The following TTBK1 variants were observed in gnomAD, a reference collection of about 807,000 sequenced individuals.
The protein encoded by TTBK1 is tau tubulin kinase 1.
In TTBK1, 34 loss-of-function variants were observed where a neutral mutation model predicts 108.5. The observed-to-expected ratio is 0.31, with a 90% CI of 0.24 to 0.42. The LOEUF (loss-of-function observed/expected upper bound fraction) is 0.42. TTBK1 is among the 10% of genes least tolerant of loss of function. The probability of loss-of-function intolerance (pLI) is 1.00; values close to 1 mark genes in which losing one functional copy is unlikely to be tolerated. For synonymous variants in TTBK1, 809 were observed against 795.1 expected (o/e 1.02, Z -0.29); for missense variants, 1,539 against 1,826.0 (o/e 0.84, Z 2.86).
At chr6:43,250,913 A>T (rs183467277) in intron 2 of TTBK1, among the ~76,000 whole-genome samples, 12 of 152,360 alleles carry the variant, frequency 7.9e-5, no homozygotes, top group Non-Finnish European at 1.6e-4. Context: ...CAGAGTTTAA[A>T]GTACCCCAGA....
rs897503260 is a variant in TTBK1, at chr6:43,283,962, G to A, written c.3222G>A (p.Ser1074=). The change falls in exon 14 of 15, where the codon TCG becomes TCA. Residue 1074 remains serine (S), a synonymous_variant. Transcript: ENST00000259750. This position sits in a 1 kb window ranked among gnomAD's most constrained non-coding sequence, Gnocchi z 8.1. Reference sequence around the variant, plus strand: ...GCTCGGAGCCCTCAGGCTCACTGTCGGCCAAAGAGCGGTGGAGCAAGCGGG... The same window carrying A: ...GCTCGGAGCCCTCAGGCTCACTGTCAGCCAAAGAGCGGTGGAGCAAGCGGG... The part of the protein sequence containing the change: ...DTGSEPSGSL[S]AKERWSKRAR... 17 of 1,612,084 alleles carry A rather than the reference G, an allele frequency of 1.1e-5. No homozygotes were observed. Among genetic ancestry groups the A allele is most frequent in the African/African-American group, 8.0e-5 (6 of 74,916 alleles).
Position 43,284,278 on chromosome 6 carries a change from G to A in TTBK1, c.3538G>A (p.Ala1180Thr), listed in dbSNP as rs377414505. ...GCAGCCCGCCAGCAGATCCCATGGCGCGGCCCCAGCATTGGACACAGCCAT... is the reference window on the plus strand; with the variant it reads ...GCAGCCCGCCAGCAGATCCCATGGCACGGCCCCAGCATTGGACACAGCCAT... Reference protein sequence around the residue: ...AQQPASRSHGAAPALDTAITS... With the variant: ...AQQPASRSHGTAPALDTAITS... Residue 1180 changes from alanine (A) to threonine (T), a missense_variant, in exon 14 of 15, where the codon GCG (alanine) becomes ACG (threonine). By Grantham distance (58) the Ala-to-Thr change is moderately conservative. Transcript: ENST00000259750. 82 of 1,588,378 alleles carry A rather than the reference G, an allele frequency of 5.2e-5. No homozygotes were observed. The African/African-American group carries it at 6.0e-4, about 12-fold the overall frequency.
chr6:43,283,994 C>T lies in TTBK1; in HGVS notation c.3254C>T (p.Pro1085Leu), dbSNP rs767712944. 2.5e-5 allele frequency: 40 copies of T among 1,602,738 alleles called. No individual in the cohort carries two copies. Among genetic ancestry groups the T allele is most frequent in the African/African-American group, 1.2e-4 (9 of 74,606 alleles). Residue 1085 changes from proline (P) to leucine (L), a missense_variant, in exon 14 of 15, where the codon CCG becomes CTG. Pro to Leu is a moderately conservative substitution (Grantham distance 98). Transcript: ENST00000259750. The surrounding 1 kb of genome is among the most constrained non-coding windows in gnomAD (Gnocchi z 8.1). The part of the protein sequence containing the change: ...AKERWSKRAR[P>L]QQDLARLVME... The stretch of plus-strand genomic sequence containing the variant: ...GAGCGGTGGAGCAAGCGGGCTCGGC[C>T]GCAGCAGGACCTGGCGCGGCTGGTG...
chr6:43,272,726 C>A, intron 13 of TTBK1: 1 of 971,540 alleles, frequency 1.0e-6, no homozygotes, highest in Non-Finnish European at 1.2e-6. Context: ...ATGTGAAGCT[C>A]GGCAGAGCTT....
chr6:43,270,624 A>G, intron 13 of TTBK1: 1 of 985,408 alleles, frequency 1.0e-6, no homozygotes, highest in Non-Finnish European at 1.2e-6. Flanking sequence ...AGGAAGGCTC[A>G]GTCCATGGTA....
rs1777787070 is a variant in TTBK1, at chr6:43,270,080, GC to G, written c.1986+6736del. 18 of 1,408,682 alleles carry G rather than the reference GC, an allele frequency of 1.3e-5. 1 individual carries two copies. Among genetic ancestry groups the G allele is most frequent in the South Asian group, 3.1e-5 (2 of 63,994 alleles). 87.3% of individuals were successfully genotyped at this position (1,408,682 alleles called of 1,614,324 possible). On this transcript the variant is annotated intron_variant, in intron 13 of 14. Transcript: ENST00000259750. ...CCATCCCACCCCATCATGCAATACA[GC>G]CCCCCTAGAACGTTGGCCCAAGGTA...
rs1211639113 is a variant in TTBK1, at chr6:43,259,016, G to A, written c.1017-22G>A. 2 of 1,585,108 alleles carry A rather than the reference G, an allele frequency of 1.3e-6. No homozygotes were observed. Among genetic ancestry groups the A allele is most frequent in the African/African-American group, 1.3e-5 (1 of 74,370 alleles). The stretch of plus-strand genomic sequence containing the variant: ...GGGCACCCCTGCCAGCCTTGCCCAT[G>A]GCTCCCTCCTGCCCTCTCCAGGGTG... On this transcript the variant is annotated intron_variant, in intron 10 of 14. Coordinates refer to ENST00000259750, the MANE Select transcript of TTBK1 (RefSeq NM_032538.3). The surrounding 1 kb of genome is among the most constrained non-coding windows in gnomAD (Gnocchi z 6.7).
At position 43,259,313 on chromosome 6, in the gene TTBK1, AC is replaced by A; in HGVS notation, c.1248+49del. On this transcript the variant is annotated intron_variant, in intron 11 of 14. Coordinates refer to ENST00000259750, the MANE Select transcript of TTBK1 (RefSeq NM_032538.3). The surrounding 1 kb of genome is among the most constrained non-coding windows in gnomAD (Gnocchi z 6.7). ...AAGGGCGTGGGTGGCCTTTTCTCTC[AC>A]CCCCGATTCCCAGCCTTGTGCCCCT... 2 of 1,472,400 alleles carry A rather than the reference AC, an allele frequency of 1.4e-6. No homozygotes were observed. The highest frequency in any genetic ancestry group is 9.1e-7 in the Non-Finnish European group (1 of 1,094,364). The allele number at this position is 1,472,400 out of a possible 1,614,324, so 91.2% of individuals were successfully genotyped here.
At chr6:43,249,801 T>A (rs1430104278) in intron 2 of TTBK1, among the ~76,000 whole-genome samples, 3 of 152,132 alleles carry the variant, frequency 2.0e-5, no homozygotes, top group African/African-American at 7.2e-5. Flanking sequence ...GATCTCAAAC[T>A]CCCGACCTCA....
intron 12 of TTBK1, among the ~76,000 whole-genome samples, chr6:43,261,740 G>T (rs911172086): frequency 6.6e-6 from 1 of 151,572 alleles, no homozygotes; most frequent in African/African-American, 2.4e-5. Context: ...GCTTGAACCT[G>T]GGGGGTGGAG....
chr6:43,248,458 C>T (rs1777156946), intron 2 of TTBK1, among the ~76,000 whole-genome samples: 2 of 152,194 alleles, frequency 1.3e-5, no homozygotes, highest in Non-Finnish European at 2.9e-5. Context: ...CATGGTGGCC[C>T]ATACCTGTAA....
At chr6:43,271,865 T>TGGG in intron 13 of TTBK1, 23 of 975,788 alleles carry the variant, frequency 2.4e-5, no homozygotes, top group Non-Finnish European at 2.6e-5. Context: ...CTAATACTTG[T>TGGG]GCCCCACCCC....
chr6:43,249,086 T>C (rs577361045), intron 2 of TTBK1, among the ~76,000 whole-genome samples: 98 of 152,100 alleles, frequency 6.4e-4, no homozygotes, highest in Non-Finnish European at 1.1e-3. Flanking sequence ...CATGGGCTGA[T>C]TCTTGTCAGG....
At position 43,265,602 on chromosome 6, in the gene TTBK1, C is replaced by G. The variant is rs1308331625; in HGVS notation, c.1986+2252C>G. Among the ~76,000 whole-genome samples the G allele has an allele frequency of 6.6e-6, 1 of 152,198 alleles. No homozygotes were observed. Among genetic ancestry groups the G allele is most frequent in the Non-Finnish European group, 1.5e-5 (1 of 68,040 alleles). ...CAGCACCAGGCAGCAGGAGAGGGAGCAAAATGTGTTTGGGGTCCTTGCTCC... is the reference window on the plus strand; with the variant it reads ...CAGCACCAGGCAGCAGGAGAGGGAGGAAAATGTGTTTGGGGTCCTTGCTCC... On this transcript the variant is annotated intron_variant, in intron 13 of 14. Coordinates refer to ENST00000259750, the MANE Select transcript of TTBK1 (RefSeq NM_032538.3). The surrounding 1 kb of genome is among the most constrained non-coding windows in gnomAD (Gnocchi z 4.1).
chr6:43,284,025 G>A lies in TTBK1; in HGVS notation c.3285G>A (p.Glu1095=). 1 of 1,569,754 alleles carries A rather than the reference G, an allele frequency of 6.4e-7. No homozygotes were observed. The highest frequency in any genetic ancestry group is 8.6e-7 in the Non-Finnish European group (1 of 1,156,492). The change falls in exon 14 of 15, where the codon GAG becomes GAA. Residue 1095 remains glutamate (E), a synonymous_variant. Coordinates refer to ENST00000259750, the MANE Select transcript of TTBK1 (RefSeq NM_032538.3). ...PQQDLARLVM[E]KRQGRLLLRL... Reference sequence around the variant, plus strand: ...AGGACCTGGCGCGGCTGGTGATGGAGAAGAGGCAGGGCCGCCTGCTGTTGC... The same window carrying A: ...AGGACCTGGCGCGGCTGGTGATGGAAAAGAGGCAGGGCCGCCTGCTGTTGC...
chr6:43,282,870 C>T lies in TTBK1; in HGVS notation c.2130C>T (p.Phe710=), dbSNP rs1412606437. ...RLLNRVRRVG[F]SHMLLTTPQV... The stretch of plus-strand genomic sequence containing the variant: ...TCAACAGGGTCCGGAGGGTGGGCTT[C>T]TCGCACATGCTGCTCACCACCCCCC... The change falls in exon 14 of 15, where the codon TTC becomes TTT. Residue 710 remains phenylalanine, a synonymous_variant. Transcript: ENST00000259750. This position sits in a 1 kb window ranked among gnomAD's most constrained non-coding sequence, Gnocchi z 5.4. The T allele has an allele frequency of 3.1e-6, 5 of 1,613,906 alleles. No individual in the cohort carries two copies. The highest frequency in any genetic ancestry group is 4.2e-6 in the Non-Finnish European group (5 of 1,180,002).
At position 43,285,157 on chromosome 6, in the gene TTBK1, C is replaced by T; in HGVS notation, c.3747C>T (p.Pro1249=). ...CCGCGCGCAATGCCAGCGCGTCCCC[C>T]CGGAGCCAGTCCCTGTCCCGCAGAG... ...TSAARNASAS[P]RSQSLSRRES... The change falls in exon 15 of 15, where the codon CCC becomes CCT. Residue 1249 remains proline (P), a synonymous_variant. Coordinates refer to ENST00000259750, the MANE Select transcript of TTBK1 (RefSeq NM_032538.3). This position sits in a 1 kb window ranked among gnomAD's most constrained non-coding sequence, Gnocchi z 4.7. 7.0e-7 allele frequency: 1 copy of T among 1,421,338 alleles called. No individual in the cohort carries two copies. The highest frequency in any genetic ancestry group is 1.5e-5 in the African/African-American group (1 of 66,480). The allele number at this position is 1,421,338 out of a possible 1,614,324, so 88.0% of individuals were successfully genotyped here.
At chr6:43,252,948 T>C in intron 3 of TTBK1, 62 bp downstream of exon 3, 8 of 1,583,206 alleles carry the variant, frequency 5.1e-6, no homozygotes, top group Non-Finnish European at 6.9e-6. Flanking sequence ...CTAAGAGAGG[T>C]GATAAGATCA....
chr6:43,262,828 C>T lies in TTBK1; in HGVS notation c.1464C>T (p.Ala488=). ...TGCCTGGCTCGCCCTCGCGCCAGGC[C>T]TGCTCCTCTCAGCCAGCCCAGATGC... ...MDLPGSPSRQ[A]CSSQPAQMLS... Residue 488 remains alanine (A), a synonymous_variant, in exon 13 of 15, where the codon GCC becomes GCT. Transcript: ENST00000259750. 6.3e-7 allele frequency: 1 copy of T among 1,597,754 alleles called. No individual in the cohort carries two copies. The highest frequency in any genetic ancestry group is 1.1e-5 in the South Asian group (1 of 89,782).
Sources: gnomAD v4.1 joint callset for allele counts (sites outside exome capture counted in the v4.1 genomes callset) on GRCh38, gnomAD v4.1.1 for gene constraint, Gnocchi (gnomAD v3.1) non-coding constraint, MANE v1.5 for transcripts, NCBI Gene and HGNC (gene_info 2026-07-23, HGNC 2026-07-21) for gene names.